Variants in SPOCK2 observed in about 807,000 individuals in gnomAD.
SPOCK2 encodes the protein testican-2.
A neutral mutation model predicts 60.1 loss-of-function variants in SPOCK2; 39 were observed. The observed-to-expected ratio is 0.65, with a 90% CI of 0.50 to 0.85. The LOEUF (loss-of-function observed/expected upper bound fraction) is 0.85. Among genes scored for constraint, SPOCK2 ranks in the 40% least tolerant of loss-of-function variants. The probability of loss-of-function intolerance (pLI) is 0.00; values close to 1 mark genes in which losing one functional copy is unlikely to be tolerated. For synonymous variants in SPOCK2, 217 were observed against 231.5 expected (o/e 0.94, Z 0.57); for missense variants, 523 against 567.4 (o/e 0.92, Z 0.80).
Position 72,066,906 on chromosome 10 carries a change from C to A in SPOCK2, c.924G>T (p.Arg308Ser), listed in dbSNP as rs1177611820. 1 of 1,614,160 alleles carries A rather than the reference C, an allele frequency of 6.2e-7. No homozygotes were observed. Among genetic ancestry groups the A allele is most frequent in the Non-Finnish European group, 8.5e-7 (1 of 1,180,044 alleles). Reference protein sequence around the residue: ...STAEWCFCFWREKPPCLAELE... With the variant: ...STAEWCFCFWSEKPPCLAELE... Reference sequence around the variant, plus strand: ...TGGGAGGGGGGCTGCACTCACTCTCCCTCCAGAAGCAGAAGCACCACTCAG... The same window carrying A: ...TGGGAGGGGGGCTGCACTCACTCTCACTCCAGAAGCAGAAGCACCACTCAG... Residue 308 changes from arginine (R) to serine (S), a missense_variant, in exon 8 of 11, where the codon AGG becomes AGT. Arg to Ser is a moderately radical substitution (Grantham distance 110). Coordinates refer to ENST00000373109, the MANE Select transcript of SPOCK2 (RefSeq NM_001244950.2).
At chr10:72,071,155 G>A (rs770013033) in intron 4 of SPOCK2, among the ~76,000 whole-genome samples, 4 of 152,048 alleles carry the variant, frequency 2.6e-5, no homozygotes, top group East Asian at 3.8e-4. Context: ...CTTGTCCTTG[G>A]GCTGGAGCTA....
intron 1 of SPOCK2, chr10:72,086,880 ATG>A: frequency 1.9e-6 from 3 of 1,550,896 alleles, no homozygotes; most frequent in South Asian, 1.2e-5. Context: ...CCTATGAAGC[ATG>A]TGTGTTTTAA....
rs1313584978 is a variant in SPOCK2, at chr10:72,087,127, C to T, written c.189+1013G>A. The T allele has an allele frequency of 7.3e-6, 7 of 963,834 alleles. No individual in the cohort carries two copies. The highest frequency in any genetic ancestry group is 1.0e-5 in the Non-Finnish European group (7 of 671,824). 59.7% of individuals were successfully genotyped at this position (963,834 alleles called of 1,614,324 possible). A position where few individuals can be genotyped will look rare whatever the true frequency, so the allele number is the denominator to read the frequency against. ...GGCCCATCCCCCACAGCACCCCCAA[C>T]GATCTCGGGGTCCAGCCACACCCTC... is the stretch of plus-strand genomic sequence containing the variant. On this transcript the variant is annotated intron_variant, in intron 1 of 10. Transcript: ENST00000373109. The surrounding 1 kb of genome is among the most constrained non-coding windows in gnomAD (Gnocchi z 4.7).
rs1840464014 is a variant in SPOCK2 at position 72,059,475 on chromosome 10, C to T, written c.*3285G>A. 1 of 152,280 alleles carries T rather than the reference C, an allele frequency of 6.6e-6. No individual in the cohort carries two copies. The highest frequency in any genetic ancestry group is 1.5e-5 in the Non-Finnish European group (1 of 68,106). 9.4% of individuals were successfully genotyped at this position (152,280 alleles called of 1,614,324 possible). A position where few individuals can be genotyped will look rare whatever the true frequency, so the allele number is the denominator to read the frequency against. ...GAACTTCCTCGGGATGTCTGGGTCTCCTTCTGTGGTGTCTCTCCCCTGGGA... is the reference window on the plus strand; with the variant it reads ...GAACTTCCTCGGGATGTCTGGGTCTTCTTCTGTGGTGTCTCTCCCCTGGGA... On this transcript the variant is annotated 3_prime_UTR_variant, in exon 11 of 11. Coordinates refer to ENST00000373109, the MANE Select transcript of SPOCK2 (RefSeq NM_001244950.2).
In SPOCK2 at chr10:72,088,492, G is replaced by A. The variant is rs954879073; in HGVS notation, c.-164C>T. 7 of 752,278 alleles carry A rather than the reference G, an allele frequency of 9.3e-6. No homozygotes were observed. Among genetic ancestry groups the A allele is most frequent in the African/African-American group, 1.8e-5 (1 of 55,676 alleles). 46.6% of individuals were successfully genotyped at this position (752,278 alleles called of 1,614,324 possible). On this transcript the variant is annotated 5_prime_UTR_variant, in exon 1 of 11. Coordinates refer to ENST00000373109, the MANE Select transcript of SPOCK2 (RefSeq NM_001244950.2). ...TGGGTCGCGGCTGAAATGTGACCTG[G>A]TTAGGAGATGCACTTGTCTGAAAAA...
chr10:72,067,038 G>A lies in SPOCK2; in HGVS notation c.792C>T (p.Phe264=), dbSNP rs1253269133. 1 of 1,614,234 alleles carries A rather than the reference G, an allele frequency of 6.2e-7. No homozygotes were observed. The highest frequency in any genetic ancestry group is 1.7e-5 in the Admixed American group (1 of 60,034). ...FSKLDTSADL[F]LDQTELAAIN... ...TGGCGGCCAGCTCCGTCTGGTCCAG[G>A]AAGAGGTCAGCACTGGTGTCCAGCT... The change falls in exon 8 of 11, where the codon TTC becomes TTT. Residue 264 remains phenylalanine, a synonymous_variant. Coordinates refer to ENST00000373109, the MANE Select transcript of SPOCK2 (RefSeq NM_001244950.2).
chr10:72,073,258 T>C (rs1840673701), intron 1 of SPOCK2, among the ~76,000 whole-genome samples: 1 of 152,202 alleles, frequency 6.6e-6, no homozygotes, highest in South Asian at 2.1e-4. Flanking sequence ...GAGCTTCTCA[T>C]GCCTATGCCC....
At chr10:72,086,427 T>C in intron 1 of SPOCK2, 1 of 1,035,622 alleles carries the variant, frequency 9.7e-7, no homozygotes. Flanking sequence ...CCTGTTCTGA[T>C]TAAGCATTTC....
intron 1 of SPOCK2, chr10:72,086,926 T>C (rs1840864636): frequency 6.4e-7 from 1 of 1,551,640 alleles, no homozygotes; most frequent in Non-Finnish European, 8.7e-7. Flanking sequence ...ATGCACGCAG[T>C]TTAAGGAGAA....
intron 5 of SPOCK2, 87 bp from the exon 6 acceptor site, chr10:72,068,388 A>T (rs1840601061): frequency 1.5e-6 from 2 of 1,372,386 alleles, no homozygotes; most frequent in East Asian, 5.0e-5. Context: ...CTCTCATGGC[A>T]GCCACATCTG....
rs1049245 is a variant in SPOCK2 at position 72,062,485 on chromosome 10, G to T, written c.*275C>A. 188,504 of 499,626 alleles carry T rather than the reference G, an allele frequency of 0.38. 39,664 individuals carry two copies. Among genetic ancestry groups the T allele is most frequent in the Non-Finnish European group, 0.44 (131,998 of 297,230 alleles). 30.9% of individuals were successfully genotyped at this position (499,626 alleles called of 1,614,324 possible). ...AAGGAGGCCGAAGGGGCCTTTGGGT[G>T]ACTCACTCTGCCAGGAGCAGTGTGG... On this transcript the variant is annotated 3_prime_UTR_variant, in exon 11 of 11. Transcript: ENST00000373109. This position sits in a 1 kb window ranked among gnomAD's most constrained non-coding sequence, Gnocchi z 4.3.
chr10:72,073,623 C>T (rs186664052), intron 1 of SPOCK2, among the ~76,000 whole-genome samples: 73 of 152,352 alleles, frequency 4.8e-4, no homozygotes, highest in African/African-American at 1.7e-3. Context: ...TGACCCAGGT[C>T]CTCCCGTCAC....
At chr10:72,086,484 C>T (rs1840856064) in intron 1 of SPOCK2, 1 of 1,068,614 alleles carries the variant, frequency 9.4e-7, no homozygotes, top group Admixed American at 5.0e-5. Context: ...ATCAAACAGC[C>T]AGCGAGTCGG....
intron 1 of SPOCK2, among the ~76,000 whole-genome samples, chr10:72,085,278 G>A (rs528395731): frequency 3.0e-4 from 45 of 152,240 alleles, no homozygotes; most frequent in Admixed American, 7.2e-4. Context: ...AATCTCCCCC[G>A]TCTTCTGCCA....
intron 1 of SPOCK2, among the ~76,000 whole-genome samples, chr10:72,077,294 T>C (rs1028129388): frequency 8.6e-5 from 13 of 151,992 alleles, no homozygotes; most frequent in African/African-American, 2.9e-4. Context: ...CTAATTTTTA[T>C]TGTGGTGGTT....
At chr10:72,064,095 C>T in intron 9 of SPOCK2, 83 bp downstream of exon 9, 1 of 1,543,478 alleles carries the variant, frequency 6.5e-7, no homozygotes, top group South Asian at 1.2e-5. Flanking sequence ...GCCATGAGGC[C>T]CAAGGCTGGA....
At chr10:72,086,550 C>T in intron 1 of SPOCK2, 2 of 1,141,706 alleles carry the variant, frequency 1.8e-6, no homozygotes, top group Middle Eastern at 4.0e-4. Context: ...TGCTGCCGCC[C>T]CCTCGCTGCT....
Position 72,070,361 on chromosome 10 carries a change from G to A in SPOCK2, c.425C>T (p.Ala142Val), listed in dbSNP as rs1174405537. The change falls in exon 5 of 11, where the codon GCC becomes GTC. Residue 142 changes from alanine (A) to valine (V), a missense_variant. Physicochemically the swap from Ala to Val is moderately conservative, Grantham distance 64. Coordinates refer to ENST00000373109, the MANE Select transcript of SPOCK2 (RefSeq NM_001244950.2). The stretch of plus-strand genomic sequence containing the variant: ...TGAGCCGCAGACAGAGGCAAGCTGG[G>A]CCATGTGGCAGGGCTTGCAGATGGA... The part of the protein sequence containing the change: ...KDSICKPCHM[A>V]QLASVCGSDG... The A allele has an allele frequency of 6.2e-7, 1 of 1,614,248 alleles. No homozygotes were observed. Among genetic ancestry groups the A allele is most frequent in the African/African-American group, 1.3e-5 (1 of 75,074 alleles).
chr10:72,075,320 G>T (rs933335553), intron 1 of SPOCK2, among the ~76,000 whole-genome samples: 1 of 152,132 alleles, frequency 6.6e-6, no homozygotes, highest in Non-Finnish European at 1.5e-5. Flanking sequence ...ATGGGAAATG[G>T]CTGGGTTCTG....
Sources: allele counts gnomAD v4.1 joint callset (sites outside exome capture counted in the v4.1 genomes callset), GRCh38; gene constraint gnomAD v4.1.1; non-coding constraint Gnocchi (gnomAD v3.1); transcripts MANE v1.5; gene names NCBI Gene and HGNC (gene_info 2026-07-23, HGNC 2026-07-21).